NCALD: variants seen among roughly 807,000 people sequenced by gnomAD.
NCALD encodes neurocalcin delta, also known as neurocalcin-delta.
Under a neutral mutation model 18.6 loss-of-function variants are expected in NCALD, and 10 were observed. The ratio of observed to expected loss-of-function variants is 0.54; its 90% confidence interval spans 0.33 to 0.91. NCALD has a LOEUF of 0.91. Ranked by LOEUF, NCALD falls within the 40% of genes least tolerant of loss-of-function variation. The probability of loss-of-function intolerance (pLI) is 0.03; values close to 1 mark genes in which losing one functional copy is unlikely to be tolerated. For missense variants in NCALD, 184 were observed against 247.6 expected, an observed-to-expected ratio of 0.74 and a Z score of 1.72; for synonymous variants, 88 against 87.4, an observed-to-expected ratio of 1.01 and a Z score of -0.04.
chr8:101,869,435 A>G (rs1315480573), intron 4 of NCALD, among the ~76,000 whole-genome samples: 2 of 152,220 alleles, frequency 1.3e-5, no homozygotes, highest in Non-Finnish European at 2.9e-5. Flanking sequence ...GGCATCCAGA[A>G]GGAATGCAGC....
At chr8:101,752,388 A>G (rs1265544716) in intron 1 of NCALD, among the ~76,000 whole-genome samples, 1 of 152,210 alleles carries the variant, frequency 6.6e-6, no homozygotes, top group East Asian at 1.9e-4. Context: ...AACAGAGAAA[A>G]ACAAACCTAA....
intron 4 of NCALD, among the ~76,000 whole-genome samples, chr8:101,808,224 A>G (rs1016215733): frequency 6.6e-6 from 1 of 152,188 alleles, no homozygotes; most frequent in Admixed American, 6.5e-5. Context: ...ACTAAGGAGT[A>G]GTAAGCACCT....
intron 3 of NCALD, among the ~76,000 whole-genome samples, chr8:101,903,937 A>G (rs1251350506): frequency 6.6e-6 from 1 of 152,156 alleles, no homozygotes; most frequent in Non-Finnish European, 1.5e-5. Flanking sequence ...ACATGACACA[A>G]TCTGCAGACA....
At chr8:101,769,902 G>A (rs925785305) in intron 1 of NCALD, among the ~76,000 whole-genome samples, 1 of 152,148 alleles carries the variant, frequency 6.6e-6, no homozygotes, top group Non-Finnish European at 1.5e-5. Flanking sequence ...ATCAATGCTG[G>A]CCAGCCTAAC....
At chr8:101,858,741 T>C (rs1049755596) in intron 4 of NCALD, among the ~76,000 whole-genome samples, 6 of 152,160 alleles carry the variant, frequency 3.9e-5, no homozygotes, top group African/African-American at 1.4e-4. Flanking sequence ...AGTGTCTGGA[T>C]GATAGCCCCA....
At chr8:101,906,229 T>A (rs530958155) in intron 3 of NCALD, among the ~76,000 whole-genome samples, 1 of 152,332 alleles carries the variant, frequency 6.6e-6, no homozygotes, top group African/African-American at 2.4e-5. Flanking sequence ...TTTCCCTCAC[T>A]TCTTACAGAT....
intron 1 of NCALD, among the ~76,000 whole-genome samples, chr8:102,026,924 G>T (rs980618155): frequency 6.6e-6 from 1 of 152,196 alleles, no homozygotes; most frequent in Non-Finnish European, 1.5e-5. Flanking sequence ...CCACATGAAA[G>T]CTGCCAAGGC....
At chr8:102,017,284 CAA>C (rs2132087596) in intron 2 of NCALD, among the ~76,000 whole-genome samples, 1 of 151,646 alleles carries the variant, frequency 6.6e-6, no homozygotes, top group East Asian at 1.9e-4. Flanking sequence ...CCTTATCTCA[CAA>C]AAGACATAAA....
intron 1 of NCALD, among the ~76,000 whole-genome samples, chr8:102,027,650 A>G (rs1822508186): frequency 6.6e-6 from 1 of 152,172 alleles, no homozygotes; most frequent in Non-Finnish European, 1.5e-5. Flanking sequence ...GTATCTTTAC[A>G]GCAGCGCCCT....
At chr8:101,828,116 T>C (rs1337273914) in intron 4 of NCALD, among the ~76,000 whole-genome samples, 1 of 152,208 alleles carries the variant, frequency 6.6e-6, no homozygotes, top group African/African-American at 2.4e-5. Flanking sequence ...ATCCCTGCCC[T>C]GTCTCCTTAC....
chr8:101,893,734 C>A (rs1478626110), intron 3 of NCALD, among the ~76,000 whole-genome samples: 1 of 135,344 alleles, frequency 7.4e-6, no homozygotes, highest in Non-Finnish European at 1.5e-5. Flanking sequence ...ATAAAACAGA[C>A]TTTAAACCAA....
intron 3 of NCALD, among the ~76,000 whole-genome samples, chr8:101,909,675 G>A (rs1817723114): frequency 6.6e-6 from 1 of 152,060 alleles, no homozygotes; most frequent in African/African-American, 2.4e-5. Flanking sequence ...AGAAACTTCT[G>A]AAAAGTTCAG....
At chr8:102,116,057 A>G (rs1825772780) in intron 1 of NCALD, among the ~76,000 whole-genome samples, 1 of 151,236 alleles carries the variant, frequency 6.6e-6, no homozygotes, top group Non-Finnish European at 1.5e-5. Flanking sequence ...AAAAGCATTT[A>G]GAAAACCTCT....
chr8:101,879,544 A>G (rs898157226), intron 4 of NCALD, among the ~76,000 whole-genome samples: 1 of 152,154 alleles, frequency 6.6e-6, no homozygotes. Context: ...AAAGGGAAAA[A>G]CACAAAACCA....
intron 1 of NCALD, among the ~76,000 whole-genome samples, chr8:101,746,684 T>G (rs1411813035): frequency 6.6e-6 from 1 of 151,798 alleles, no homozygotes; most frequent in East Asian, 1.9e-4. Context: ...CAAATGATCA[T>G]CACCATGCAT....
At chr8:101,946,706 G>A (rs926075843) in intron 2 of NCALD, among the ~76,000 whole-genome samples, 1 of 147,766 alleles carries the variant, frequency 6.8e-6, no homozygotes, top group Non-Finnish European at 1.5e-5. Flanking sequence ...TGGGGACAAT[G>A]TCCCAAAGAA....
At chr8:101,917,361 C>T (rs185524586) in intron 2 of NCALD, among the ~76,000 whole-genome samples, 10 of 152,072 alleles carry the variant, frequency 6.6e-5, no homozygotes, top group African/African-American at 2.2e-4. Flanking sequence ...AGTTATAGCA[C>T]TAAACACCTA....
At chr8:102,019,296 G>T (rs1387879879) in intron 2 of NCALD, among the ~76,000 whole-genome samples, 3 of 152,052 alleles carry the variant, frequency 2.0e-5, no homozygotes, top group Admixed American at 6.6e-5. Flanking sequence ...GGACTAATTA[G>T]AACCCTCATA....
intron 1 of NCALD, among the ~76,000 whole-genome samples, chr8:102,020,698 C>T (rs1364735334): frequency 6.6e-6 from 1 of 152,214 alleles, no homozygotes; most frequent in African/African-American, 2.4e-5. Flanking sequence ...AAAATCTAAG[C>T]ATAACATTCT....
Sources: gnomAD v4.1 joint callset for allele counts (sites outside exome capture counted in the v4.1 genomes callset) on GRCh38, gnomAD v4.1.1 for gene constraint, MANE v1.5 for transcripts, NCBI Gene and HGNC (gene_info 2026-07-23, HGNC 2026-07-21) for gene names.